NPRL3: variants seen among roughly 807,000 people sequenced by gnomAD.
NPRL3 encodes the protein GATOR1 complex protein NPRL3.
Under a neutral mutation model 57.2 loss-of-function variants are expected in NPRL3, and 23 were observed. The ratio of observed to expected loss-of-function variants is 0.40; its 90% CI spans 0.29 to 0.57. The LOEUF (loss-of-function observed/expected upper bound fraction) is 0.57. NPRL3 is among the 20% of genes least tolerant of loss of function. NPRL3 has a pLI of 0.42. For synonymous variants in NPRL3, 333 were observed against 321.1 expected (o/e 1.04, Z -0.39); for missense variants, 691 against 767.1 (o/e 0.90, Z 1.17).
intron 2 of NPRL3, among the ~76,000 whole-genome samples, chr16:131,397 T>G (rs1567148588): frequency 7.9e-6 from 1 of 126,580 alleles, no homozygotes; most frequent in East Asian, 2.0e-4. Flanking sequence ...GAGAATGGTG[T>G]GAACCCGGGA....
intron 2 of NPRL3, among the ~76,000 whole-genome samples, chr16:135,608 CAAAAAAAAA>C (rs555589072): frequency 7.0e-5 from 4 of 56,852 alleles, no homozygotes; most frequent in African/African-American, 2.5e-4. Context: ...GACTCTGTCT[CAAAAAAAAA>C]AAAAAAAAAA....
chr16:100,873 A>AGGCAG (rs1899264670), intron 7 of NPRL3, among the ~76,000 whole-genome samples: 1 of 147,490 alleles, frequency 6.8e-6, no homozygotes, highest in Non-Finnish European at 1.5e-5. Flanking sequence ...CGGGAGGCTG[A>AGGCAG]GGCAGGAGAA....
In NPRL3 at chr16:117,324, A is replaced by G. The variant is rs772186484; in HGVS notation, c.370T>C (p.Phe124Leu). Residue 124 changes from phenylalanine (F) to leucine (L), a missense_variant, in exon 5 of 14, where the codon TTT becomes CTT. By Grantham distance (22) the Phe-to-Leu change is conservative. Transcript: ENST00000611875. ...ACCCTCAGTGCAAACACCACATTAA[A>G]AAGAATCATAGTAGGTGCTTCCCTC... ...PKREAPTMIL[F>L]NVVFALRANA... 10 of 1,612,466 alleles carry G rather than the reference A, an allele frequency of 6.2e-6. No individual in the cohort carries two copies. Among genetic ancestry groups the G allele is most frequent in the Admixed American group, 1.7e-5 (1 of 59,940 alleles).
intron 2 of NPRL3, among the ~76,000 whole-genome samples, chr16:133,528 CGTTG>C (rs1213087358): frequency 1.8e-5 from 2 of 109,360 alleles, no homozygotes; most frequent in Non-Finnish European, 3.5e-5. Flanking sequence ...CTGTGCCTAG[CGTTG>C]TTTGTTTGTT....
At chr16:107,414 C>T (rs544336320) in intron 7 of NPRL3, among the ~76,000 whole-genome samples, 1 of 152,042 alleles carries the variant, frequency 6.6e-6, no homozygotes, top group African/African-American at 2.4e-5. Flanking sequence ...GGAGGCCGAG[C>T]CGGGCGGATC....
At chr16:134,980 C>T (rs979587132) in intron 2 of NPRL3, among the ~76,000 whole-genome samples, 16 of 152,150 alleles carry the variant, frequency 1.1e-4, no homozygotes, top group African/African-American at 2.9e-4. Context: ...GGATTACAGG[C>T]GTGAGCCACC....
chr16:136,924 C>A (rs1439823511), intron 2 of NPRL3, among the ~76,000 whole-genome samples: 1 of 151,626 alleles, frequency 6.6e-6, no homozygotes. Context: ...AAAAACTGAA[C>A]AGTCCGGGTG....
chr16:99,959 C>CAAAAAAA (rs11304941), intron 8 of NPRL3, among the ~76,000 whole-genome samples: 50 of 60,628 alleles, frequency 8.2e-4, no homozygotes, highest in Non-Finnish European at 1.2e-3. Flanking sequence ...CACACCCCCG[C>CAAAAAAA]AAAAAAAAAA....
intron 2 of NPRL3, among the ~76,000 whole-genome samples, chr16:130,955 G>A (rs1333075979): frequency 2.6e-5 from 4 of 152,202 alleles, no homozygotes; most frequent in Non-Finnish European, 5.9e-5. Flanking sequence ...ACAGATAGCG[G>A]TAATGGCTGC....
At chr16:102,843 G>A (rs1389564322) in intron 7 of NPRL3, among the ~76,000 whole-genome samples, 1 of 152,226 alleles carries the variant, frequency 6.6e-6, no homozygotes, top group African/African-American at 2.4e-5. Context: ...AGAACTGCAT[G>A]CTAACCAAGT....
intron 7 of NPRL3, among the ~76,000 whole-genome samples, chr16:102,586 G>A (rs1899345878): frequency 6.6e-6 from 1 of 152,294 alleles, no homozygotes; most frequent in East Asian, 1.9e-4. Flanking sequence ...GCCCAGGAGA[G>A]CAGCCAACTA....
intron 9 of NPRL3, 144 bp downstream of exon 9, chr16:98,001 C>A: frequency 9.9e-7 from 1 of 1,006,832 alleles, no homozygotes; most frequent in Non-Finnish European, 1.4e-6. Flanking sequence ...CCAGCCATCC[C>A]AGGGACTGGC....
At chr16:136,177 G>A (rs916298047) in intron 2 of NPRL3, among the ~76,000 whole-genome samples, 4 of 152,168 alleles carry the variant, frequency 2.6e-5, no homozygotes, top group African/African-American at 4.8e-5. Flanking sequence ...TGAACTTTTC[G>A]TATTAGCAAA....
chr16:89,406 A>G (rs796592167), intron 12 of NPRL3: 20 of 355,784 alleles, frequency 5.6e-5, no homozygotes, highest in African/African-American at 3.8e-4. Context: ...CTGTCCTGGT[A>G]GTGGTATGAG....
intron 10 of NPRL3, 106 bp downstream of exon 10, chr16:93,113 A>T: frequency 1.3e-6 from 1 of 784,066 alleles, no homozygotes; most frequent in Non-Finnish European, 2.2e-6. Flanking sequence ...TGGGGCTTCC[A>T]CAGCCTTTGG....
chr16:89,813 G>A lies in NPRL3; in HGVS notation c.1251C>T (p.Ser417=), dbSNP rs534585670. 2.3e-5 allele frequency: 37 copies of A among 1,592,010 alleles called. No homozygotes were observed. The African/African-American group carries it at 2.6e-4, about 11-fold the overall frequency. The change falls in exon 12 of 14, where the codon AGC becomes AGT. Residue 417 remains serine (S), a synonymous_variant. Transcript: ENST00000611875. ...HTYVCLMASP[S]EEEPRPREDD... is the part of the protein sequence containing the mutation. ...CCTCTCGCGGACGGGGCTCCTCCTC[G>A]CTGGGTGAGGCCATCAGGCAGACAT...
In NPRL3 at chr16:100,327, G is replaced by A. The variant is rs760808962; in HGVS notation, c.767+45C>T. On this transcript the variant is annotated intron_variant, in intron 8 of 13. Coordinates refer to ENST00000611875, the MANE Select transcript of NPRL3 (RefSeq NM_001077350.3). ...GTAAAATCTCAGGCAGAAGCTAAAG[G>A]GAAGGGCCCTGGCAGGGAGTGAGCA... is the stretch of plus-strand genomic sequence containing the variant. The A allele has an allele frequency of 4.2e-6, 6 of 1,430,576 alleles. No homozygotes were observed. In the South Asian group the frequency reaches 9.4e-5, roughly 22 times the overall value. The allele number at this position is 1,430,576 out of a possible 1,614,324, so 88.6% of individuals were successfully genotyped here.
intron 2 of NPRL3, among the ~76,000 whole-genome samples, chr16:134,670 CAT>C (rs1370171079): frequency 1.4e-5 from 2 of 148,078 alleles, no homozygotes; most frequent in African/African-American, 4.9e-5. Context: ...GATAGTATAA[CAT>C]AAAGTCACAG....
intron 9 of NPRL3, among the ~76,000 whole-genome samples, chr16:95,655 G>A (rs1237877379): frequency 2.6e-5 from 4 of 151,940 alleles, no homozygotes; most frequent in South Asian, 2.1e-4. Context: ...CTGCAGCCTC[G>A]AACACCAGGG....
Sources: allele counts gnomAD v4.1 joint callset (sites outside exome capture counted in the v4.1 genomes callset), GRCh38; gene constraint gnomAD v4.1.1; transcripts MANE v1.5; gene names NCBI Gene and HGNC (gene_info 2026-07-23, HGNC 2026-07-21).